Variants in THRAP3 observed in about 807,000 individuals in gnomAD.
THRAP3 encodes the protein thyroid hormone receptor associated protein 3.
THRAP3 carries 16 observed loss-of-function variants against 101.0 expected under a neutral mutation model. That is an observed-to-expected ratio of 0.16 (90% CI 0.11 to 0.24). The LOEUF (loss-of-function observed/expected upper bound fraction) is 0.24, where lower values mean the gene tolerates loss of function less well. Among genes scored for constraint, THRAP3 ranks in the 10% least tolerant of loss-of-function variants. The probability of loss-of-function intolerance (pLI) is 1.00; values close to 1 mark genes in which losing one functional copy is unlikely to be tolerated. For missense variants in THRAP3, 989 were observed against 1,202.7 expected, an observed-to-expected ratio of 0.82 and a Z score of 2.63; for synonymous variants, 407 against 422.6, an observed-to-expected ratio of 0.96 and a Z score of 0.45.
the THRAP3 span, among the ~76,000 whole-genome samples, chr1:36,211,705 A>G: frequency 1.3e-5 from 2 of 152,336 alleles, no homozygotes; most frequent in East Asian, 3.9e-4. Flanking sequence ...GCCAATGATC[A>G]GTAGCAAACA....
chr1:36,231,852 A>C (rs1262272617), intron 1 of THRAP3, among the ~76,000 whole-genome samples: 1 of 152,198 alleles, frequency 6.6e-6, no homozygotes, highest in Non-Finnish European at 1.5e-5. Flanking sequence ...CGGCTATCAG[A>C]AAAAAACTTT....
chr1:36,241,000 A>T (rs1377906329), intron 1 of THRAP3, among the ~76,000 whole-genome samples: 1 of 151,952 alleles, frequency 6.6e-6, no homozygotes, highest in African/African-American at 2.4e-5. Context: ...AGGTCAGGAG[A>T]TCGGGACCAT....
chr1:36,232,522 G>A (rs911068514), intron 1 of THRAP3, among the ~76,000 whole-genome samples: 12 of 152,104 alleles, frequency 7.9e-5, no homozygotes, highest in African/African-American at 2.2e-4. Context: ...TTAATCTATC[G>A]TGTTTCATCC....
chr1:36,303,112 ATTT>A (rs397936228), intron 11 of THRAP3, among the ~76,000 whole-genome samples: 4 of 125,146 alleles, frequency 3.2e-5, no homozygotes, highest in Non-Finnish European at 3.3e-5. Flanking sequence ...TGCCTGGCTA[ATTT>A]TTTTTTTTTT....
chr1:36,216,518 A>AAAAAAC, the THRAP3 span, among the ~76,000 whole-genome samples: 1 of 147,844 alleles, frequency 6.8e-6, no homozygotes, highest in African/African-American at 2.5e-5. Flanking sequence ...AAAAAAAAAA[A>AAAAAAC]ATGCCGGGTG....
intron 1 of THRAP3, among the ~76,000 whole-genome samples, chr1:36,254,513 A>G (rs1381810746): frequency 1.3e-5 from 2 of 152,244 alleles, no homozygotes; most frequent in Non-Finnish European, 2.9e-5. Flanking sequence ...GATACTGCCT[A>G]TGCATGGTAT....
chr1:36,293,805 T>C (rs566256888), intron 7 of THRAP3, 46 bp from the exon 8 acceptor site: 2 of 1,507,484 alleles, frequency 1.3e-6, no homozygotes, highest in East Asian at 2.3e-5. Context: ...ACCAGTATCA[T>C]ATTCACACAA....
chr1:36,214,067 A>AAAGG, the THRAP3 span, among the ~76,000 whole-genome samples: 1 of 150,126 alleles, frequency 6.7e-6, no homozygotes, highest in Non-Finnish European at 1.5e-5. Context: ...AGAAAGAAAG[A>AAAGG]CAACTCCTAA....
chr1:36,209,807 C>T, the THRAP3 span, among the ~76,000 whole-genome samples: 2 of 152,174 alleles, frequency 1.3e-5, no homozygotes, highest in African/African-American at 2.4e-5. Context: ...CTACCACTAT[C>T]CAATTTAATT....
At chr1:36,278,806 C>G (rs1487636493) in intron 2 of THRAP3, among the ~76,000 whole-genome samples, 2 of 152,020 alleles carry the variant, frequency 1.3e-5, no homozygotes, top group Middle Eastern at 3.4e-3. Context: ...GCCTGTAATT[C>G]CAGCTACTTG....
At chr1:36,262,959 ATTTTTTTTTT>A (rs55662646) in intron 2 of THRAP3, among the ~76,000 whole-genome samples, 6 of 104,366 alleles carry the variant, frequency 5.7e-5, no homozygotes, top group Non-Finnish European at 9.4e-5. Context: ...GGGCCGGCTA[ATTTTTTTTTT>A]TTTTTTTTTT....
chr1:36,234,807 C>CTTTTTTTTTTTTTTTTTTTTTTTT (rs35278020), intron 1 of THRAP3, among the ~76,000 whole-genome samples: 2 of 72,436 alleles, frequency 2.8e-5, no homozygotes, highest in East Asian at 5.2e-4. Context: ...CTGTTTCAGT[C>CTTTTTTTTTTTTTTTTTTTTTTTT]TTTTTTTTTT....
At chr1:36,298,924 A>T (rs1158357369) in intron 9 of THRAP3, among the ~76,000 whole-genome samples, 8 of 152,150 alleles carry the variant, frequency 5.3e-5, no homozygotes, top group African/African-American at 1.9e-4. Context: ...CCTCACAGTC[A>T]GCTGGGACTA....
chr1:36,225,138 T>A (rs539451913), intron 1 of THRAP3: 1 of 152,346 alleles, frequency 6.6e-6, no homozygotes, highest in African/African-American at 2.4e-5. Context: ...CCTAAGCAAC[T>A]TTTATCAACT....
chr1:36,246,841 CAAAT>C (rs377713773), intron 1 of THRAP3, among the ~76,000 whole-genome samples: 62 of 150,922 alleles, frequency 4.1e-4, no homozygotes, highest in East Asian at 1.2e-3. Flanking sequence ...GACTCTGTCT[CAAAT>C]AAATAAATAA....
intron 2 of THRAP3, among the ~76,000 whole-genome samples, chr1:36,263,127 G>A (rs546533822): frequency 6.9e-6 from 1 of 145,672 alleles, no homozygotes; most frequent in African/African-American, 2.5e-5. Context: ...TTTATTTTTT[G>A]GAGGCTCTGT....
At chr1:36,264,725 T>C (rs1051301483) in intron 2 of THRAP3, among the ~76,000 whole-genome samples, 1 of 152,228 alleles carries the variant, frequency 6.6e-6, no homozygotes, top group Non-Finnish European at 1.5e-5. Flanking sequence ...GAAATATTGG[T>C]AACATTACCT....
chr1:36,288,990 G>T, intron 4 of THRAP3, 70 bp from the exon 5 acceptor site: 1 of 1,411,846 alleles, frequency 7.1e-7, no homozygotes, highest in East Asian at 2.5e-5. Context: ...AACCAAAAAC[G>T]GTAAGGCACT....
the THRAP3 span, among the ~76,000 whole-genome samples, chr1:36,212,389 T>C: frequency 1.3e-5 from 2 of 151,580 alleles, no homozygotes; most frequent in East Asian, 1.9e-4. Flanking sequence ...AGGGGAGGGA[T>C]AGCTTTTCTT....
Sources: allele counts gnomAD v4.1 joint callset (sites outside exome capture counted in the v4.1 genomes callset), GRCh38; gene constraint gnomAD v4.1.1; transcripts MANE v1.5; gene names NCBI Gene and HGNC (gene_info 2026-07-23, HGNC 2026-07-21).